PCDHA6: variants seen among roughly 807,000 people sequenced by gnomAD.
PCDHA6 encodes protocadherin alpha 6, also known as protocadherin alpha-6.
PCDHA6 carries 55 observed loss-of-function variants against 60.3 expected under a neutral mutation model. The observed-to-expected ratio is 0.91, with a 90% CI of 0.73 to 1.14. The LOEUF (loss-of-function observed/expected upper bound fraction) is 1.14, where lower values mean the gene tolerates loss of function less well. Among genes scored for constraint, PCDHA6 ranks in the 50% most tolerant of loss-of-function variants. The pLI is 0.00. For synonymous variants in PCDHA6, 652 were observed against 557.9 expected (o/e 1.17, Z -2.38); for missense variants, 1,327 against 1,256.5 (o/e 1.06, Z -0.85).
chr5:140,982,340 G>C (rs1186327832), intron 2 of PCDHA6, 135 bp from the exon 3 acceptor site: 1 of 1,458,038 alleles, frequency 6.9e-7, no homozygotes, highest in East Asian at 2.5e-5. Flanking sequence ...AGCAGTAATT[G>C]CTTCAGTTCA....
chr5:140,918,503 C>G (rs2078725431), intron 1 of PCDHA6, among the ~76,000 whole-genome samples: 1 of 152,056 alleles, frequency 6.6e-6, no homozygotes, highest in Non-Finnish European at 1.5e-5. Flanking sequence ...GGTACCAATC[C>G]TTTTAAACTT....
At chr5:140,881,185 A>G (rs893291095) in intron 1 of PCDHA6, 7 of 166,796 alleles carry the variant, frequency 4.2e-5, no homozygotes, top group African/African-American at 1.7e-4. Flanking sequence ...CTTGCTAAAG[A>G]TATGTTAACA....
intron 1 of PCDHA6, chr5:140,850,390 G>A: frequency 6.3e-7 from 1 of 1,597,946 alleles, no homozygotes; most frequent in Non-Finnish European, 8.6e-7. Context: ...GGCGAGATCA[G>A]CACAACGCGT....
intron 1 of PCDHA6, chr5:140,852,540 T>C (rs2042365711): frequency 9.3e-6 from 5 of 536,720 alleles, no homozygotes; most frequent in Non-Finnish European, 1.2e-5. Flanking sequence ...CCTCCCAAAG[T>C]GCTGGGATTA....
chr5:140,877,789 A>C, intron 1 of PCDHA6: 1 of 1,614,072 alleles, frequency 6.2e-7, no homozygotes, highest in Non-Finnish European at 8.5e-7. Flanking sequence ...CATGGCCTTC[A>C]GCCCAAGCCT....
chr5:140,890,739 C>T (rs1202760840), intron 1 of PCDHA6, among the ~76,000 whole-genome samples: 1 of 152,112 alleles, frequency 6.6e-6, no homozygotes, highest in Non-Finnish European at 1.5e-5. Flanking sequence ...GACTTATATA[C>T]TATTTCTGTC....
chr5:141,001,395 A>G (rs1331071816), intron 3 of PCDHA6, among the ~76,000 whole-genome samples: 1 of 152,202 alleles, frequency 6.6e-6, no homozygotes. Flanking sequence ...TCCTACAGAG[A>G]ACAGGGAGTA....
In PCDHA6 at chr5:140,882,159, T is replaced by C. The variant is rs1017946710; in HGVS notation, c.2394+51674T>C. 76 of 1,509,284 alleles carry C rather than the reference T, an allele frequency of 5.0e-5. No individual in the cohort carries two copies. The African/African-American group carries it at 8.9e-4, about 18-fold the overall frequency. 93.5% of individuals were successfully genotyped at this position (1,509,284 alleles called of 1,614,324 possible). On this transcript the variant is annotated intron_variant, in intron 1 of 3. Transcript: ENST00000529310. ...AAAATATAGCAGAAAGCGGAATACC[T>C]CTTGCGAATCCTTCCGCACTAGGAA...
rs2150358985 is a variant in PCDHA6, at chr5:140,843,390, A to T, written c.2394+12905A>T. The T allele has an allele frequency of 7.2e-5, 115 of 1,595,932 alleles. 13 individuals carry two copies. Among genetic ancestry groups the T allele is most frequent in the Admixed American group, 3.7e-4 (22 of 59,276 alleles). ...CAGTCGGCTGGCGTTTTGGGTCCGG[A>T]AGCGGCGCTGGTGGATGTCAACGTG... On this transcript the variant is annotated intron_variant, in intron 1 of 3. Coordinates refer to ENST00000529310, the MANE Select transcript of PCDHA6 (RefSeq NM_018909.4).
At position 141,010,147 on chromosome 5, in the gene PCDHA6, C is replaced by A; in HGVS notation, c.*210C>A. ...AAGTCTGGTGTTAACTCTTTCTCTC[C>A]ACTCTGGCTTGTTTTCAGAACCTAA... On this transcript the variant is annotated 3_prime_UTR_variant, in exon 4 of 4. Coordinates refer to ENST00000529310, the MANE Select transcript of PCDHA6 (RefSeq NM_018909.4). 1 of 1,583,190 alleles carries A rather than the reference C, an allele frequency of 6.3e-7. No individual in the cohort carries two copies. Among genetic ancestry groups the A allele is most frequent in the Non-Finnish European group, 8.6e-7 (1 of 1,163,606 alleles).
chr5:140,838,280 ATT>A lies in PCDHA6; in HGVS notation c.2394+7809_2394+7810del, dbSNP rs2150286950. Among the ~76,000 whole-genome samples, 385 of 139,594 alleles carry A rather than the reference ATT, an allele frequency of 2.8e-3. 5 individuals are homozygous for A. Among genetic ancestry groups the A allele is most frequent in the Middle Eastern group, 0.014 (4 of 280 alleles). 91.6% of individuals were successfully genotyped at this position (139,594 alleles called of 152,430 possible). The stretch of plus-strand genomic sequence containing the variant: ...AGACGCCAACAACCAAGCCATGCTA[ATT>A]TTTTTTTTTTTTTGTATTTTTAGTA... On this transcript the variant is annotated intron_variant, in intron 1 of 3. Coordinates refer to ENST00000529310, the MANE Select transcript of PCDHA6 (RefSeq NM_018909.4).
rs782513302 is a variant in PCDHA6 at position 140,857,057 on chromosome 5, GTGGAACTAC to G, written c.2394+26577_2394+26585del. The stretch of plus-strand genomic sequence containing the variant: ...TATGGTTGGTCACTGCACGGTCCTA[GTGGAACTAC>G]TGGATGAAAATGATAATTCACCTGA... On this transcript the variant is annotated intron_variant, in intron 1 of 3. Coordinates refer to ENST00000529310, the MANE Select transcript of PCDHA6 (RefSeq NM_018909.4). 670 of 1,596,188 alleles carry G rather than the reference GTGGAACTAC, an allele frequency of 4.2e-4. 48 individuals are homozygous for G. The highest frequency in any genetic ancestry group is 2.0e-3 in the Middle Eastern group (12 of 5,996).
chr5:140,857,164 C>T, intron 1 of PCDHA6: 1 of 1,598,342 alleles, frequency 6.3e-7, no homozygotes, highest in Non-Finnish European at 8.6e-7. Context: ...CCCTAATCAG[C>T]GTTTCTGACC....
At chr5:140,927,524 C>T in intron 1 of PCDHA6, 3 of 1,614,104 alleles carry the variant, frequency 1.9e-6, no homozygotes, top group Non-Finnish European at 2.5e-6. Flanking sequence ...GGCGGGCTAC[C>T]TGCCCGCTCA....
At chr5:140,926,685 A>C in intron 1 of PCDHA6, 1 of 665,408 alleles carries the variant, frequency 1.5e-6, no homozygotes, top group Non-Finnish European at 2.3e-6. Context: ...CCTCCAGCCT[A>C]GCAAGCCCGG....
At chr5:140,885,864 GA>G (rs1267536827) in intron 1 of PCDHA6, among the ~76,000 whole-genome samples, 5 of 151,842 alleles carry the variant, frequency 3.3e-5, no homozygotes, top group African/African-American at 4.8e-5. Context: ...CTTTTCTATT[GA>G]AAAAAAATTT....
chr5:140,971,919 C>G (rs529852735), intron 1 of PCDHA6, among the ~76,000 whole-genome samples: 1 of 152,162 alleles, frequency 6.6e-6, no homozygotes, highest in South Asian at 2.1e-4. Context: ...AGCCACACTG[C>G]TAGTGTTATT....
In PCDHA6 at chr5:140,928,822, C is replaced by G. The variant is rs782187448; in HGVS notation, c.2395-50127C>G. ...GGTAGTGGTTCGGGACCATGGAGAC[C>G]CACCACTTTCCTCCTCTGTCACTCT... On this transcript the variant is annotated intron_variant, in intron 1 of 3. Coordinates refer to ENST00000529310, the MANE Select transcript of PCDHA6 (RefSeq NM_018909.4). 6 of 1,614,116 alleles carry G rather than the reference C, an allele frequency of 3.7e-6. No individual in the cohort carries two copies. The South Asian group carries it at 6.6e-5, about 18-fold the overall frequency.
At chr5:140,938,002 G>A (rs1396127552) in intron 1 of PCDHA6, among the ~76,000 whole-genome samples, 1 of 151,938 alleles carries the variant, frequency 6.6e-6, no homozygotes, top group Non-Finnish European at 1.5e-5. Context: ...TGTATCCAAT[G>A]TTCTTGCTAA....
Sources: allele counts gnomAD v4.1 joint callset (sites outside exome capture counted in the v4.1 genomes callset), GRCh38; gene constraint gnomAD v4.1.1; transcripts MANE v1.5; gene names NCBI Gene and HGNC (gene_info 2026-07-23, HGNC 2026-07-21).